The following TIAM1 variants were observed in gnomAD, a reference collection of about 807,000 sequenced individuals.
TIAM1 encodes rho guanine nucleotide exchange factor TIAM1.
Under a neutral mutation model 163.5 loss-of-function variants are expected in TIAM1, and 65 were observed. That is an observed-to-expected ratio of 0.40 (90% CI 0.33 to 0.49). The LOEUF (loss-of-function observed/expected upper bound fraction) is 0.49, where lower values mean the gene tolerates loss of function less well. Among genes scored for constraint, TIAM1 ranks in the 20% least tolerant of loss-of-function variants. TIAM1 has a pLI of 0.77. For synonymous variants in TIAM1, 833 were observed against 810.1 expected, an observed-to-expected ratio of 1.03 and a Z score of -0.48; for missense variants, 1,789 against 2,044.7, an observed-to-expected ratio of 0.87 and a Z score of 2.41.
intron 2 of TIAM1, among the ~76,000 whole-genome samples, chr21:31,443,072 G>A (rs1342002999): frequency 1.3e-5 from 2 of 152,182 alleles, no homozygotes; most frequent in African/African-American, 2.4e-5. Context: ...CACAGAAAGC[G>A]TATCTGCCTG....
chr21:31,479,067 T>C (rs976630377), intron 1 of TIAM1, among the ~76,000 whole-genome samples: 3 of 152,232 alleles, frequency 2.0e-5, no homozygotes, highest in Non-Finnish European at 4.4e-5. Flanking sequence ...AACAAGCAAC[T>C]ATTGAGACAA....
chr21:31,383,222 A>G (rs2076808285), intron 2 of TIAM1, among the ~76,000 whole-genome samples: 1 of 152,174 alleles, frequency 6.6e-6, no homozygotes, highest in Non-Finnish European at 1.5e-5. Flanking sequence ...CCTGGGCAAC[A>G]GAGCAAGACT....
At chr21:31,476,386 A>G (rs1455531820) in intron 1 of TIAM1, among the ~76,000 whole-genome samples, 4 of 152,178 alleles carry the variant, frequency 2.6e-5, no homozygotes, top group South Asian at 2.1e-4. Context: ...GAAGGAAGAG[A>G]AACGATTAAG....
At chr21:31,523,415 A>G (rs1005390057) in intron 1 of TIAM1, among the ~76,000 whole-genome samples, 1 of 152,242 alleles carries the variant, frequency 6.6e-6, no homozygotes, top group African/African-American at 2.4e-5. Context: ...CCACTCATTT[A>G]AGACTCTTCA....
At chr21:31,198,626 T>A (rs2086010147) in intron 12 of TIAM1, among the ~76,000 whole-genome samples, 1 of 152,216 alleles carries the variant, frequency 6.6e-6, no homozygotes, top group Non-Finnish European at 1.5e-5. Context: ...CTTCAACTTA[T>A]CAGGAGCCTT....
chr21:31,353,835 CTTT>C (rs71193103), intron 2 of TIAM1, among the ~76,000 whole-genome samples: 3 of 71,248 alleles, frequency 4.2e-5, no homozygotes, highest in East Asian at 5.8e-4. Flanking sequence ...ATTTATTTAT[CTTT>C]TTTTTTTTTT....
chr21:31,486,440 C>T (rs8127508), intron 1 of TIAM1, among the ~76,000 whole-genome samples: 89,505 of 152,224 alleles, frequency 0.59, 27,175 homozygotes, highest in African/African-American at 0.7. Flanking sequence ...AGGGTCAGGA[C>T]GAAGGGGACA....
Position 31,240,202 on chromosome 21 carries a change from A to G in TIAM1, c.1584+5286T>C, listed in dbSNP as rs115046861. On this transcript the variant is annotated intron_variant, in intron 6 of 27. Coordinates refer to ENST00000541036, the MANE Select transcript of TIAM1 (RefSeq NM_001353694.2). Reference sequence around the variant, plus strand: ...GAAAGTGTCCTGGTGAATGCCATCAACATCAATGGGGGTTGGGGTGGGGTA... The same window carrying G: ...GAAAGTGTCCTGGTGAATGCCATCAGCATCAATGGGGGTTGGGGTGGGGTA... 8.5e-3 allele frequency among the ~76,000 whole-genome samples: 1,296 copies of G among 152,250 alleles called. 20 individuals are homozygous for G. Among genetic ancestry groups the G allele is most frequent in the African/African-American group, 0.029 (1,212 of 41,536 alleles).
upstream of TIAM1, among the ~76,000 whole-genome samples, chr21:31,344,538 G>A (rs2147104624): frequency 6.6e-6 from 1 of 152,250 alleles, no homozygotes; most frequent in South Asian, 2.1e-4. Context: ...TCTACAGCAC[G>A]TGGCAAAAAA....
chr21:31,241,455 ATC>A (rs1275550226), intron 6 of TIAM1, among the ~76,000 whole-genome samples: 2 of 152,128 alleles, frequency 1.3e-5, no homozygotes, highest in African/African-American at 4.8e-5. Flanking sequence ...TTTTAAGGAA[ATC>A]TCTCTCTAAT....
intron 25 of TIAM1, among the ~76,000 whole-genome samples, chr21:31,129,416 C>T (rs996789980): frequency 1.3e-5 from 2 of 152,230 alleles, no homozygotes; most frequent in Non-Finnish European, 2.9e-5. Context: ...TGGCAGCTCA[C>T]GTCTGTAATC....
At chr21:31,303,658 C>T (rs2074585905) in intron 2 of TIAM1, among the ~76,000 whole-genome samples, 2 of 151,944 alleles carry the variant, frequency 1.3e-5, no homozygotes, top group African/African-American at 4.8e-5. Flanking sequence ...TAAAAAAACA[C>T]CCTCAGGGAA....
At chr21:31,356,991 A>T (rs1036916888) in intron 2 of TIAM1, among the ~76,000 whole-genome samples, 1 of 152,192 alleles carries the variant, frequency 6.6e-6, no homozygotes, top group Non-Finnish European at 1.5e-5. Context: ...TAAAATTTTT[A>T]AAAGAGAAGT....
intron 6 of TIAM1, among the ~76,000 whole-genome samples, chr21:31,231,736 C>T (rs183700458): frequency 1.3e-5 from 2 of 152,194 alleles, no homozygotes; most frequent in Admixed American, 1.3e-4. Flanking sequence ...GAGTTATGGG[C>T]CAGGCGGAAT....
chr21:31,315,458 T>A (rs1449564784), intron 2 of TIAM1, among the ~76,000 whole-genome samples: 1 of 149,464 alleles, frequency 6.7e-6, no homozygotes, highest in African/African-American at 2.5e-5. Flanking sequence ...GAGCTTGCAG[T>A]GAGCCAAGAT....
intron 2 of TIAM1, among the ~76,000 whole-genome samples, chr21:31,433,183 A>G (rs2147283506): frequency 6.6e-6 from 1 of 152,312 alleles, no homozygotes; most frequent in African/African-American, 2.4e-5. Context: ...AGAGCAGGGG[A>G]GTCACCCAAG....
rs920776021 is a variant in TIAM1 at position 31,350,546 on chromosome 21, T to C, written c.-368-11124A>G. ...GAGTTGAGCACCATCCCCTTGGTGC[T>C]GTTCTCGTGATAGTGAGTCAGTTCT... On this transcript the variant is annotated intron_variant, in intron 2 of 28. Coordinates refer to the TIAM1 transcript ENST00000286827. 2.6e-5 allele frequency among the ~76,000 whole-genome samples: 4 copies of C among 152,198 alleles called. No individual in the cohort carries two copies. In the East Asian group the frequency reaches 7.7e-4, roughly 29 times the overall value.
chr21:31,281,099 A>C (rs1190296601), intron 2 of TIAM1, among the ~76,000 whole-genome samples: 1 of 151,252 alleles, frequency 6.6e-6, no homozygotes, highest in Non-Finnish European at 1.5e-5. Flanking sequence ...AAAAAAAAAA[A>C]AAAAAAAAAC....
At chr21:31,375,659 C>T (rs2076670937) in intron 2 of TIAM1, among the ~76,000 whole-genome samples, 1 of 152,130 alleles carries the variant, frequency 6.6e-6, no homozygotes, top group South Asian at 2.1e-4. Flanking sequence ...ACATCCTGTG[C>T]CACCAAAAAA....
Sources: gnomAD v4.1 joint callset for allele counts (sites outside exome capture counted in the v4.1 genomes callset) on GRCh38, gnomAD v4.1.1 for gene constraint, MANE v1.5 for transcripts, NCBI Gene and HGNC (gene_info 2026-07-23, HGNC 2026-07-21) for gene names.